The following NPIPA5 variants were observed in gnomAD, a reference collection of about 807,000 sequenced individuals.
The protein encoded by NPIPA5 is nuclear pore complex interacting protein family member A5.
Under a neutral mutation model 21.4 loss-of-function variants are expected in NPIPA5, and 6 were observed. That is an observed-to-expected ratio of 0.28 (90% confidence interval 0.15 to 0.55). NPIPA5 has a LOEUF of 0.55. Among genes scored for constraint, NPIPA5 ranks in the 20% least tolerant of loss-of-function variants. The pLI is 0.93. For missense variants in NPIPA5, 99 were observed against 318.2 expected (o/e 0.31, Z 5.24); for synonymous variants, 33 against 115.3 (o/e 0.29, Z 4.57).
At chr16:15,370,858 G>A (rs540984076) in intron 2 of NPIPA5, among the ~76,000 whole-genome samples, 2 of 147,216 alleles carry the variant, frequency 1.4e-5, no homozygotes, top group African/African-American at 4.9e-5. Flanking sequence ...ACCATCCTGG[G>A]CAACATGGTG....
At chr16:15,376,883 A>T (rs1219915500) in intron 1 of NPIPA5, among the ~76,000 whole-genome samples, 1 of 152,146 alleles carries the variant, frequency 6.6e-6, no homozygotes. Context: ...CTGAGGCAGG[A>T]CAATTGCTTG....
At chr16:15,379,983 GTC>G (rs2050398483), upstream of NPIPA5, among the ~76,000 whole-genome samples, 1 of 145,554 alleles carries the variant, frequency 6.9e-6, no homozygotes, top group Non-Finnish European at 1.5e-5. Flanking sequence ...GTGTGTGTGT[GTC>G]TGTGTGTGTG....
rs1220793153 is a variant in NPIPA5 at position 15,372,851 on chromosome 16, G to C, written c.192+864C>G. ...AAAAAGGCTCAAAAGACAAATTATGGCACAACTTAGCAGCCAAATTCTTAC... is the reference window on the plus strand; with the variant it reads ...AAAAAGGCTCAAAAGACAAATTATGCCACAACTTAGCAGCCAAATTCTTAC... On this transcript the variant is annotated intron_variant, in intron 2 of 7. Coordinates refer to ENST00000360151, the MANE Select transcript of NPIPA5 (RefSeq NM_001277325.2). 2.2e-3 allele frequency among the ~76,000 whole-genome samples: 323 copies of C among 145,330 alleles called. 4 individuals are homozygous for C. Among genetic ancestry groups the C allele is most frequent in the South Asian group, 2.9e-3 (13 of 4,432 alleles).
At chr16:15,379,171 TG>T, upstream of NPIPA5, among the ~76,000 whole-genome samples, 1 of 152,278 alleles carries the variant, frequency 6.6e-6, no homozygotes, top group Admixed American at 6.5e-5. Context: ...CCATTTACTA[TG>T]ACATAAGGTT....
rs566004540 is a variant in NPIPA5 at position 15,367,445 on chromosome 16, C to T, written c.438-685G>A. Among the ~76,000 whole-genome samples, 383 of 152,112 alleles carry T rather than the reference C, an allele frequency of 2.5e-3. 3 individuals are homozygous for T. The highest frequency in any genetic ancestry group is 3.0e-3 in the African/African-American group (123 of 41,440). ...GTTATGTCCTGAAAATAGGTGACAA[C>T]GGCAAACCATCCACCCTGGTGTTGA... On this transcript the variant is annotated intron_variant, in intron 4 of 7. Transcript: ENST00000360151.
At chr16:15,376,104 G>A (rs557561430) in intron 1 of NPIPA5, among the ~76,000 whole-genome samples, 1 of 152,184 alleles carries the variant, frequency 6.6e-6, no homozygotes, top group East Asian at 1.9e-4. Flanking sequence ...GCAGAATAAA[G>A]CAGACACAAA....
chr16:15,369,094 G>A (rs1467894049), intron 4 of NPIPA5, among the ~76,000 whole-genome samples: 2 of 149,218 alleles, frequency 1.3e-5, no homozygotes, highest in Non-Finnish European at 3.0e-5. Flanking sequence ...AGAGGTTGCA[G>A]TGAGCCAAGA....
intron 1 of NPIPA5, among the ~76,000 whole-genome samples, chr16:15,377,804 C>A (rs1348898633): frequency 1.3e-5 from 2 of 150,494 alleles, no homozygotes; most frequent in Non-Finnish European, 3.0e-5. Context: ...CTACAGGTCA[C>A]GGAGAAGATC....
intron 1 of NPIPA5, among the ~76,000 whole-genome samples, chr16:15,375,708 C>A (rs2050272699): frequency 1.4e-5 from 2 of 140,978 alleles, no homozygotes; most frequent in Admixed American, 7.4e-5. Flanking sequence ...CACCACTGCA[C>A]TTCAGCCTGG....
Position 15,371,579 on chromosome 16 carries a change from G to A in NPIPA5, c.193-1460C>T, listed in dbSNP as rs1346937504. ...GTGCAGTGGCGCTACCTTGGCTCAC[G>A]GCAACCTCCACCTCCCAGATTCAAG... On this transcript the variant is annotated intron_variant, in intron 2 of 7. Transcript: ENST00000360151. Among the ~76,000 whole-genome samples, 34 of 141,826 alleles carry A rather than the reference G, an allele frequency of 2.4e-4. 1 individual carries two copies. The highest frequency in any genetic ancestry group is 3.1e-4 in the Non-Finnish European group (20 of 64,660). 93.0% of individuals were successfully genotyped at this position (141,826 alleles called of 152,430 possible).
chr16:15,372,015 G>C (rs1157678551), intron 2 of NPIPA5, among the ~76,000 whole-genome samples: 2 of 145,896 alleles, frequency 1.4e-5, no homozygotes, highest in Non-Finnish European at 3.0e-5. Context: ...TCAAACACAT[G>C]AAGAAATGAG....
In NPIPA5 at chr16:15,366,871, C is replaced by T. The variant is rs2049989701; in HGVS notation, c.438-111G>A. 4.6e-6 allele frequency: 7 copies of T among 1,513,446 alleles called. No homozygotes were observed. The Admixed American group carries it at 1.1e-4, about 25-fold the overall frequency. The allele number at this position is 1,513,446 out of a possible 1,614,324, so 93.8% of individuals were successfully genotyped here. Reference sequence around the variant, plus strand: ...AAAGATCCCCCCTGCAACCTTCCCACAAATGAACCAACTGATTCTCACAAC... The same window carrying T: ...AAAGATCCCCCCTGCAACCTTCCCATAAATGAACCAACTGATTCTCACAAC... On this transcript the variant is annotated intron_variant, in intron 4 of 7. Coordinates refer to ENST00000360151, the MANE Select transcript of NPIPA5 (RefSeq NM_001277325.2).
At chr16:15,370,788 C>G (rs546167027) in intron 2 of NPIPA5, among the ~76,000 whole-genome samples, 1 of 147,750 alleles carries the variant, frequency 6.8e-6, no homozygotes, top group Admixed American at 7.0e-5. Flanking sequence ...CGGTAGCTCA[C>G]GCCTGTAATC....
chr16:15,376,299 C>A (rs1378992975), intron 1 of NPIPA5, among the ~76,000 whole-genome samples: 2 of 147,378 alleles, frequency 1.4e-5, no homozygotes, highest in South Asian at 2.2e-4. Flanking sequence ...GAGGCCGAGG[C>A]GGGCGGATCA....
upstream of NPIPA5, among the ~76,000 whole-genome samples, chr16:15,379,395 C>T (rs1177766972): frequency 5.3e-5 from 8 of 151,458 alleles, no homozygotes; most frequent in Non-Finnish European, 1.0e-4. Context: ...TGGTGAAACC[C>T]TGTCTCTAAT....
At chr16:15,375,290 A>G (rs2050260674) in intron 1 of NPIPA5, among the ~76,000 whole-genome samples, 2 of 148,160 alleles carry the variant, frequency 1.3e-5, no homozygotes, top group Admixed American at 6.9e-5. Context: ...CATTGGATGC[A>G]TTTATTATAT....
At chr16:15,376,142 G>A (rs1341992504) in intron 1 of NPIPA5, among the ~76,000 whole-genome samples, 1 of 151,822 alleles carries the variant, frequency 6.6e-6, no homozygotes. Context: ...GCATGCATCT[G>A]TATACGTGAA....
chr16:15,375,790 T>C (rs2050276461), intron 1 of NPIPA5, among the ~76,000 whole-genome samples: 1 of 149,334 alleles, frequency 6.7e-6, no homozygotes, highest in Non-Finnish European at 1.5e-5. Flanking sequence ...GAAAATGGCA[T>C]GAATAGTGTG....
intron 4 of NPIPA5, among the ~76,000 whole-genome samples, chr16:15,367,428 C>T (rs1378552543): frequency 6.6e-6 from 1 of 152,010 alleles, no homozygotes; most frequent in Non-Finnish European, 1.5e-5. Flanking sequence ...GTGTTATGTC[C>T]TGAAAATAGG....
Sources: gnomAD v4.1 joint callset for allele counts (sites outside exome capture counted in the v4.1 genomes callset) on GRCh38, gnomAD v4.1.1 for gene constraint, MANE v1.5 for transcripts, NCBI Gene and HGNC (gene_info 2026-07-23, HGNC 2026-07-21) for gene names.